IL1RAPL2: variants seen among roughly 807,000 people sequenced by gnomAD.
The protein encoded by IL1RAPL2 is interleukin 1 receptor accessory protein like 2, also known as X-linked interleukin-1 receptor accessory protein-like 2.
IL1RAPL2 carries 3 observed loss-of-function variants against 44.1 expected under a neutral mutation model. The ratio of observed to expected loss-of-function variants is 0.07; its 90% CI spans 0.03 to 0.18. The LOEUF is 0.18. Ranked by LOEUF, IL1RAPL2 falls within the 10% of genes least tolerant of loss-of-function variation. IL1RAPL2 has a pLI of 1.00. For missense variants in IL1RAPL2, 391 were observed against 496.4 expected (o/e 0.79, Z 2.02); for synonymous variants, 181 against 178.8 (o/e 1.01, Z -0.10).
chrX:104,768,189 C>A (rs2032107518), intron 2 of IL1RAPL2, among the ~76,000 whole-genome samples: 1 of 111,225 alleles, frequency 9.0e-6, no homozygotes, highest in East Asian at 2.8e-4. Context: ...TTTCAAGATA[C>A]AATATATTGT....
chrX:105,583,700 C>A (rs1173807283), intron 6 of IL1RAPL2, among the ~76,000 whole-genome samples: 1 of 111,364 alleles, frequency 9.0e-6, no homozygotes, highest in Non-Finnish European at 1.9e-5. Flanking sequence ...TTTATCTTTT[C>A]AAAAATTTGT....
At chrX:105,112,018 C>T (rs1205617619) in intron 2 of IL1RAPL2, among the ~76,000 whole-genome samples, 1 of 111,881 alleles carries the variant, frequency 8.9e-6, no homozygotes, top group Non-Finnish European at 1.9e-5. Flanking sequence ...GTGTACTTTA[C>T]TGAGACACCT....
At chrX:105,112,380 ACAAATATG>A (rs2032810213) in intron 2 of IL1RAPL2, among the ~76,000 whole-genome samples, 1 of 112,243 alleles carries the variant, frequency 8.9e-6, no homozygotes, top group African/African-American at 3.2e-5. Flanking sequence ...AATCACACAC[ACAAATATG>A]CAAATATGTA....
intron 2 of IL1RAPL2, among the ~76,000 whole-genome samples, chrX:105,143,279 G>A (rs1453568694): frequency 1.8e-5 from 2 of 111,559 alleles, no homozygotes; most frequent in Non-Finnish European, 3.8e-5. Flanking sequence ...CAAAAAGTGG[G>A]CAAAGGATAT....
chrX:104,913,158 T>C (rs893716345), intron 2 of IL1RAPL2, among the ~76,000 whole-genome samples: 9 of 111,806 alleles, frequency 8.0e-5, no homozygotes, highest in Non-Finnish European at 1.3e-4. Context: ...ACTCAGTATA[T>C]ATTGATATAT....
chrX:104,720,148 T>C (rs1003442015), intron 2 of IL1RAPL2, among the ~76,000 whole-genome samples: 2 of 111,759 alleles, frequency 1.8e-5, no homozygotes, highest in African/African-American at 6.5e-5. Context: ...TTGGTTGCCA[T>C]ATCTTAAAAC....
intron 1 of IL1RAPL2, among the ~76,000 whole-genome samples, chrX:104,619,325 C>A (rs1255483698): frequency 8.9e-6 from 1 of 112,274 alleles, no homozygotes; most frequent in Non-Finnish European, 1.9e-5. Flanking sequence ...CTTTCCCTTG[C>A]AGAGTCTCTA....
chrX:104,605,221 G>C (rs1327076354), intron 1 of IL1RAPL2, among the ~76,000 whole-genome samples: 1 of 111,483 alleles, frequency 9.0e-6, no homozygotes, highest in Non-Finnish European at 1.9e-5. Flanking sequence ...AATGACTACT[G>C]GGTAAATAAT....
At chrX:105,090,976 A>G (rs1458710250) in intron 2 of IL1RAPL2, among the ~76,000 whole-genome samples, 2 of 112,072 alleles carry the variant, frequency 1.8e-5, no homozygotes, top group Non-Finnish European at 3.8e-5. Flanking sequence ...TAGGGAAACT[A>G]TTGAGCTCTG....
chrX:105,375,090 T>C (rs1176419058), intron 5 of IL1RAPL2, among the ~76,000 whole-genome samples: 2 of 110,928 alleles, frequency 1.8e-5, no homozygotes, highest in Non-Finnish European at 1.9e-5. Flanking sequence ...AGAGTTCAAC[T>C]TCCTCTCTTC....
At chrX:104,726,367 T>A (rs1306341041) in intron 2 of IL1RAPL2, among the ~76,000 whole-genome samples, 1 of 111,787 alleles carries the variant, frequency 8.9e-6, no homozygotes, top group Non-Finnish European at 1.9e-5. Flanking sequence ...TATGGGCTCT[T>A]TTTTAGTTCC....
chrX:105,473,043 CA>C (rs1012043039), intron 5 of IL1RAPL2, among the ~76,000 whole-genome samples: 2 of 111,078 alleles, frequency 1.8e-5, no homozygotes, highest in African/African-American at 6.5e-5. Flanking sequence ...ACCACAACAA[CA>C]AAAAATGGAA....
At chrX:105,137,487 A>T (rs1220947095) in intron 2 of IL1RAPL2, among the ~76,000 whole-genome samples, 2 of 111,902 alleles carry the variant, frequency 1.8e-5, no homozygotes. Context: ...TTGGTGAATA[A>T]GTGGGAACAC....
intron 6 of IL1RAPL2, among the ~76,000 whole-genome samples, chrX:105,600,136 A>G (rs770446033): frequency 2.3e-4 from 26 of 111,121 alleles, no homozygotes; most frequent in Non-Finnish European, 4.3e-4. Context: ...TGCCTTATCA[A>G]TGCCTCATCA....
At chrX:105,149,604 G>A (rs1291297408) in intron 2 of IL1RAPL2, among the ~76,000 whole-genome samples, 1 of 110,850 alleles carries the variant, frequency 9.0e-6, no homozygotes, top group Non-Finnish European at 1.9e-5. Flanking sequence ...GGGCGAGGTG[G>A]GTGGATCACC....
At chrX:104,775,521 G>C (rs1295522617) in intron 2 of IL1RAPL2, among the ~76,000 whole-genome samples, 1 of 111,755 alleles carries the variant, frequency 8.9e-6, no homozygotes, top group Non-Finnish European at 1.9e-5. Flanking sequence ...TTTGTTGAGG[G>C]AGATTTGTTA....
chrX:105,261,311 T>C (rs976189921), intron 4 of IL1RAPL2, among the ~76,000 whole-genome samples: 1 of 112,122 alleles, frequency 8.9e-6, no homozygotes, highest in African/African-American at 3.2e-5. Flanking sequence ...AGTTGTTTTC[T>C]TGATTAGTCC....
rs1381777182 is a variant in IL1RAPL2 at position 104,756,950 on chromosome X, A to C, written c.82+97955A>C. On this transcript the variant is annotated intron_variant, in intron 2 of 10. Transcript: ENST00000372582. ...GTGTATTCAGAGGGGAATGAATGTA[A>C]ACAAGAAGAAAAGATGAGGTCAGAG... 5.4e-5 allele frequency among the ~76,000 whole-genome samples: 6 copies of C among 110,650 alleles called. No individual in the cohort carries two copies. In the Admixed American group the frequency reaches 5.8e-4, roughly 11 times the overall value.
At chrX:104,704,848 C>A (rs1184535580) in intron 2 of IL1RAPL2, among the ~76,000 whole-genome samples, 4 of 111,737 alleles carry the variant, frequency 3.6e-5, no homozygotes, top group Non-Finnish European at 7.5e-5. Flanking sequence ...GCAAATTATT[C>A]ATCTAATGGT....
Sources: gnomAD v4.1 joint callset for allele counts (sites outside exome capture counted in the v4.1 genomes callset) on GRCh38, gnomAD v4.1.1 for gene constraint, MANE v1.5 for transcripts, NCBI Gene and HGNC (gene_info 2026-07-23, HGNC 2026-07-21) for gene names.